NCALD: variants seen among roughly 807,000 people sequenced by gnomAD.
NCALD encodes neurocalcin-delta.
NCALD carries 10 observed loss-of-function variants against 18.6 expected under a neutral mutation model. The observed-to-expected ratio is 0.54, with a 90% CI of 0.33 to 0.91. The LOEUF is 0.91. NCALD is among the 40% of genes least tolerant of loss of function. The pLI is 0.03. For missense variants in NCALD, 184 were observed against 247.6 expected (o/e 0.74, Z 1.72); for synonymous variants, 88 against 87.4 (o/e 1.01, Z -0.04).
intron 4 of NCALD, among the ~76,000 whole-genome samples, chr8:101,831,640 G>A (rs922353725): frequency 6.6e-6 from 1 of 152,014 alleles, no homozygotes; most frequent in Non-Finnish European, 1.5e-5. Flanking sequence ...CCTTTCCCAT[G>A]TACCCACAGT....
chr8:102,023,803 G>A (rs1822362006), intron 1 of NCALD, among the ~76,000 whole-genome samples: 1 of 152,176 alleles, frequency 6.6e-6, no homozygotes, highest in Non-Finnish European at 1.5e-5. Context: ...GAAAAGAAGT[G>A]TTGTGTGGAT....
chr8:102,108,335 G>A (rs940286190), intron 1 of NCALD, among the ~76,000 whole-genome samples: 3 of 152,200 alleles, frequency 2.0e-5, no homozygotes, highest in African/African-American at 7.2e-5. Flanking sequence ...TAACCTAAAT[G>A]CCCAAAGGAA....
At chr8:101,702,427 A>T (rs531920177) in intron 2 of NCALD, among the ~76,000 whole-genome samples, 1 of 152,068 alleles carries the variant, frequency 6.6e-6, no homozygotes, top group South Asian at 2.1e-4. Flanking sequence ...ACAGAGTCTC[A>T]CTATGTTGCC....
chr8:102,041,600 A>G (rs576602998), intron 1 of NCALD, among the ~76,000 whole-genome samples: 15 of 152,360 alleles, frequency 9.8e-5, no homozygotes, highest in Non-Finnish European at 1.9e-4. Flanking sequence ...CCAAAGGCCT[A>G]GAGAGTAGGA....
At chr8:101,838,008 A>C (rs1036624543) in intron 4 of NCALD, among the ~76,000 whole-genome samples, 2 of 152,214 alleles carry the variant, frequency 1.3e-5, no homozygotes, top group Admixed American at 1.3e-4. Context: ...TACTTAGCAC[A>C]ATACACAGCA....
At chr8:102,082,226 CTTTTTTTTT>C (rs757875219) in intron 1 of NCALD, among the ~76,000 whole-genome samples, 9 of 71,868 alleles carry the variant, frequency 1.3e-4, no homozygotes, top group Admixed American at 1.2e-3. Context: ...GAAGCTCTCT[CTTTTTTTTT>C]TTTTTTTTTT....
intron 3 of NCALD, among the ~76,000 whole-genome samples, chr8:101,897,453 A>G (rs950097585): frequency 6.0e-5 from 9 of 150,902 alleles, no homozygotes; most frequent in African/African-American, 2.2e-4. Flanking sequence ...CCAGCATGGC[A>G]CATGTATACA....
intron 2 of NCALD, among the ~76,000 whole-genome samples, chr8:101,962,883 T>C (rs1248446006): frequency 6.6e-6 from 1 of 152,166 alleles, no homozygotes; most frequent in Admixed American, 6.5e-5. Context: ...TTCTTTCTAT[T>C]TACTAGGATT....
rs531427417 is a variant in NCALD, at chr8:102,023,372, T to C, written c.-209-3083A>G. On this transcript the variant is annotated intron_variant, in intron 1 of 6. Coordinates refer to the NCALD transcript ENST00000311028. Reference sequence around the variant, plus strand: ...GTTTAGAACGAAAACTCATTTAGAATAAAACAAAAATAAGTTTTCAGAGAA... The same window carrying C: ...GTTTAGAACGAAAACTCATTTAGAACAAAACAAAAATAAGTTTTCAGAGAA... Among the ~76,000 whole-genome samples, 109 of 152,320 alleles carry C rather than the reference T, an allele frequency of 7.2e-4. No homozygotes were observed. The Middle Eastern group carries it at 0.01, about 14-fold the overall frequency.
chr8:101,985,869 T>A (rs1296463319), intron 2 of NCALD, among the ~76,000 whole-genome samples: 1 of 152,160 alleles, frequency 6.6e-6, no homozygotes, highest in African/African-American at 2.4e-5. Context: ...GGGTTGGAAC[T>A]TGGAAGCCTT....
chr8:101,997,628 A>G (rs1402760335), intron 2 of NCALD, among the ~76,000 whole-genome samples: 1 of 152,206 alleles, frequency 6.6e-6, no homozygotes, highest in African/African-American at 2.4e-5. Context: ...TTTGTTGCTC[A>G]CTAAAAACTC....
At chr8:102,047,682 G>T (rs966316501) in intron 1 of NCALD, among the ~76,000 whole-genome samples, 3 of 152,260 alleles carry the variant, frequency 2.0e-5, no homozygotes, top group Non-Finnish European at 4.4e-5. Flanking sequence ...GCATTTATCC[G>T]GGACCAAGCA....
intron 1 of NCALD, among the ~76,000 whole-genome samples, chr8:102,098,153 A>G (rs17507464): frequency 0.061 from 9,355 of 152,288 alleles, 425 homozygotes; most frequent in Non-Finnish European, 0.093. Flanking sequence ...GTGAGAAAGA[A>G]GATTGGGATG....
intron 3 of NCALD, chr8:101,691,420 T>C (rs2066774017): frequency 3.0e-6 from 3 of 985,308 alleles, no homozygotes; most frequent in African/African-American, 1.7e-5. Flanking sequence ...CCCTAATTCA[T>C]TGCCTGTGAT....
At chr8:101,850,744 G>A (rs1322050134) in intron 4 of NCALD, among the ~76,000 whole-genome samples, 1 of 152,120 alleles carries the variant, frequency 6.6e-6, no homozygotes, top group Non-Finnish European at 1.5e-5. Context: ...GAGGGTAGAA[G>A]ATATGCTCTT....
At chr8:101,974,414 C>A (rs1039305809) in intron 2 of NCALD, among the ~76,000 whole-genome samples, 7 of 152,192 alleles carry the variant, frequency 4.6e-5, no homozygotes, top group Non-Finnish European at 1.0e-4. Flanking sequence ...CCCAAACCCC[C>A]TTCTATGTGG....
intron 4 of NCALD, among the ~76,000 whole-genome samples, chr8:101,878,858 T>C (rs1234238533): frequency 1.3e-5 from 2 of 152,218 alleles, no homozygotes; most frequent in African/African-American, 2.4e-5. Context: ...ATGTAATCAA[T>C]GTGCTGTTAT....
At chr8:101,818,850 C>G (rs932744966) in intron 4 of NCALD, among the ~76,000 whole-genome samples, 1 of 151,878 alleles carries the variant, frequency 6.6e-6, no homozygotes, top group Non-Finnish European at 1.5e-5. Context: ...ACTAAAAATA[C>G]AAAAATTAGC....
intron 1 of NCALD, among the ~76,000 whole-genome samples, chr8:101,790,493 G>C (rs1812405167): frequency 6.6e-6 from 1 of 152,156 alleles, no homozygotes; most frequent in African/African-American, 2.4e-5. Flanking sequence ...AAAAAGAAAA[G>C]TTAGAAACAC....
Sources: gnomAD v4.1 joint callset for allele counts (sites outside exome capture counted in the v4.1 genomes callset) on GRCh38, gnomAD v4.1.1 for gene constraint, MANE v1.5 for transcripts, NCBI Gene and HGNC (gene_info 2026-07-23, HGNC 2026-07-21) for gene names.